HIBADH: variants seen among roughly 807,000 people sequenced by gnomAD.
HIBADH encodes 3-hydroxyisobutyrate dehydrogenase.
A neutral mutation model predicts 36.1 loss-of-function variants in HIBADH; 25 were observed. The ratio of observed to expected loss-of-function variants is 0.69; its 90% CI spans 0.50 to 0.97. The LOEUF (loss-of-function observed/expected upper bound fraction) is 0.97, where lower values mean the gene tolerates loss of function less well. Among genes scored for constraint, HIBADH ranks in the 50% least tolerant of loss-of-function variants. The pLI is 0.00. For synonymous variants in HIBADH, 160 were observed against 149.5 expected (o/e 1.07, Z -0.51); for missense variants, 421 against 418.0 (o/e 1.01, Z -0.06).
intron 4 of HIBADH, among the ~76,000 whole-genome samples, chr7:27,614,802 A>C (rs1215354623): frequency 6.6e-6 from 1 of 152,214 alleles, no homozygotes; most frequent in Admixed American, 6.5e-5. Flanking sequence ...TTATTTGATG[A>C]AACAGCACTA....
intron 7 of HIBADH, among the ~76,000 whole-genome samples, chr7:27,527,155 T>A (rs555749188): frequency 6.6e-6 from 1 of 151,668 alleles, no homozygotes; most frequent in East Asian, 1.9e-4. Context: ...GAGAGGGGGA[T>A]GGGAAAGAAA....
intron 2 of HIBADH, among the ~76,000 whole-genome samples, chr7:27,644,057 G>C (rs911875385): frequency 1.3e-5 from 2 of 152,112 alleles, no homozygotes; most frequent in African/African-American, 4.8e-5. Context: ...TTTTTTAATA[G>C]CTTCACTGAC....
At chr7:27,634,855 A>C (rs1374634635) in intron 2 of HIBADH, among the ~76,000 whole-genome samples, 1 of 152,260 alleles carries the variant, frequency 6.6e-6, no homozygotes, top group East Asian at 1.9e-4. Flanking sequence ...GCACTTGCCA[A>C]GTGCATGGGG....
chr7:27,598,126 C>T (rs1171808270), intron 4 of HIBADH, among the ~76,000 whole-genome samples: 1 of 152,178 alleles, frequency 6.6e-6, no homozygotes, highest in Admixed American at 6.5e-5. Context: ...CAGCTTTCAA[C>T]ACAAGTGTAG....
intron 4 of HIBADH, among the ~76,000 whole-genome samples, chr7:27,573,939 TGAC>T (rs1385061832): frequency 2.6e-5 from 4 of 152,226 alleles, no homozygotes; most frequent in African/African-American, 7.2e-5. Context: ...TTTTCTAATG[TGAC>T]TACTAAAAAA....
chr7:27,537,260 A>T (rs1368096822), intron 6 of HIBADH, among the ~76,000 whole-genome samples: 1 of 152,192 alleles, frequency 6.6e-6, no homozygotes, highest in African/African-American at 2.4e-5. Flanking sequence ...TGCTGACGCA[A>T]AGCAAATTCC....
chr7:27,656,923 AACCATTAC>A (rs2128298005), intron 1 of HIBADH, among the ~76,000 whole-genome samples: 1 of 152,326 alleles, frequency 6.6e-6, no homozygotes, highest in South Asian at 2.1e-4. Flanking sequence ...GTGTCACAGC[AACCATTAC>A]ACATTGCAGG....
At chr7:27,609,901 C>T (rs1157501258) in intron 4 of HIBADH, among the ~76,000 whole-genome samples, 1 of 152,080 alleles carries the variant, frequency 6.6e-6, no homozygotes, top group Non-Finnish European at 1.5e-5. Flanking sequence ...ACTGCGACCT[C>T]AGCCTCCCAA....
chr7:27,598,552 C>G (rs1157701639), intron 4 of HIBADH, among the ~76,000 whole-genome samples: 1 of 152,064 alleles, frequency 6.6e-6, no homozygotes, highest in Non-Finnish European at 1.5e-5. Context: ...ACTATGATTC[C>G]ATTTTCTTCA....
chr7:27,578,559 C>T (rs1784747829), intron 4 of HIBADH, among the ~76,000 whole-genome samples: 1 of 152,162 alleles, frequency 6.6e-6, no homozygotes, highest in African/African-American at 2.4e-5. Context: ...TCAGGCAATC[C>T]GCCTGTCTCG....
chr7:27,527,755 C>CTTTTTTTT (rs10629006), intron 7 of HIBADH, among the ~76,000 whole-genome samples: 1 of 132,100 alleles, frequency 7.6e-6, no homozygotes, highest in Non-Finnish European at 1.6e-5. Context: ...CAATCAGTAA[C>CTTTTTTTT]TTTTTTTTTT....
At chr7:27,624,038 T>C (rs904394583) in intron 4 of HIBADH, among the ~76,000 whole-genome samples, 4 of 152,176 alleles carry the variant, frequency 2.6e-5, no homozygotes, top group Non-Finnish European at 5.9e-5. Flanking sequence ...GCTCAGGTGA[T>C]CCACCTGCCT....
intron 4 of HIBADH, among the ~76,000 whole-genome samples, chr7:27,617,630 C>A (rs570043906): frequency 9.2e-5 from 14 of 152,166 alleles, no homozygotes; most frequent in Non-Finnish European, 1.9e-4. Context: ...AGAAAGGAAG[C>A]AGCCAGCTTA....
intron 4 of HIBADH, among the ~76,000 whole-genome samples, chr7:27,607,195 C>T (rs1014525515): frequency 1.3e-5 from 2 of 152,130 alleles, no homozygotes; most frequent in Non-Finnish European, 2.9e-5. Flanking sequence ...TGTCATCAAA[C>T]CTTTCTAAAT....
chr7:27,656,433 A>T (rs1265637353), intron 1 of HIBADH, among the ~76,000 whole-genome samples: 1 of 152,194 alleles, frequency 6.6e-6, no homozygotes, highest in African/African-American at 2.4e-5. Context: ...GATAATTCAC[A>T]GTAAATCAAC....
intron 4 of HIBADH, among the ~76,000 whole-genome samples, chr7:27,623,714 A>G (rs1051427951): frequency 6.6e-6 from 1 of 152,212 alleles, no homozygotes; most frequent in African/African-American, 2.4e-5. Context: ...TCTACAAGAA[A>G]AACTACAAAA....
At chr7:27,545,245 A>G (rs1474658963) in intron 4 of HIBADH, among the ~76,000 whole-genome samples, 1 of 152,152 alleles carries the variant, frequency 6.6e-6, no homozygotes, top group African/African-American at 2.4e-5. Flanking sequence ...GTTTGAGACC[A>G]GCCTGGGCAA....
chr7:27,644,184 G>A (rs1351424620), intron 2 of HIBADH, among the ~76,000 whole-genome samples: 1 of 152,112 alleles, frequency 6.6e-6, no homozygotes, highest in African/African-American at 2.4e-5. Context: ...GAAGAAACCT[G>A]GCCAGGCATG....
At chr7:27,607,477 C>G (rs1016624643) in intron 4 of HIBADH, among the ~76,000 whole-genome samples, 1 of 152,102 alleles carries the variant, frequency 6.6e-6, no homozygotes, top group Non-Finnish European at 1.5e-5. Context: ...CCACTGAACT[C>G]CAGCCTGGGC....
Sources: gnomAD v4.1 joint callset for allele counts (sites outside exome capture counted in the v4.1 genomes callset) on GRCh38, gnomAD v4.1.1 for gene constraint, MANE v1.5 for transcripts, NCBI Gene and HGNC (gene_info 2026-07-23, HGNC 2026-07-21) for gene names.